The following MTIF3 variants were observed in gnomAD, a reference collection of about 807,000 sequenced individuals.
MTIF3 encodes the protein mitochondrial translational initiation factor 3, also known as translation initiation factor IF-3, mitochondrial.
MTIF3 carries 13 observed loss-of-function variants against 20.7 expected under a neutral mutation model. The observed-to-expected ratio is 0.63, with a 90% CI of 0.41 to 1.00. MTIF3 has a LOEUF of 1.00. Ranked by LOEUF, MTIF3 falls within the 50% of genes least tolerant of loss-of-function variation. The probability of loss-of-function intolerance (pLI) is 0.00; values close to 1 mark genes in which losing one functional copy is unlikely to be tolerated. For missense variants in MTIF3, 295 were observed against 324.5 expected, an observed-to-expected ratio of 0.91 and a Z score of 0.70; for synonymous variants, 114 against 112.5, an observed-to-expected ratio of 1.01 and a Z score of -0.08.
chr13:27,438,133 G>A (rs370276935), intron 3 of MTIF3, among the ~76,000 whole-genome samples: 6 of 152,250 alleles, frequency 3.9e-5, no homozygotes, highest in African/African-American at 1.4e-4. Flanking sequence ...TGCATACACT[G>A]CTGCTGAGCA....
intron 1 of MTIF3, among the ~76,000 whole-genome samples, chr13:27,445,901 A>G (rs538398709): frequency 1.3e-5 from 2 of 152,222 alleles, no homozygotes; most frequent in East Asian, 1.9e-4. Context: ...AAAAAAGCCA[A>G]TGCCATTGGG....
intron 1 of MTIF3, among the ~76,000 whole-genome samples, chr13:27,445,374 G>A (rs1296689116): frequency 6.6e-6 from 1 of 152,038 alleles, no homozygotes; most frequent in African/African-American, 2.4e-5. Context: ...TACTGGGGAG[G>A]CTGAGGAAGG....
chr13:27,438,481 C>CTTTTTT (rs1566082029), intron 3 of MTIF3, among the ~76,000 whole-genome samples: 2 of 52,062 alleles, frequency 3.8e-5, no homozygotes, highest in Non-Finnish European at 8.4e-5. Flanking sequence ...CAGAGCAAGA[C>CTTTTTT]TGTTTTTTTT....
intron 4 of MTIF3, among the ~76,000 whole-genome samples, chr13:27,436,634 G>T (rs1953766142): frequency 6.6e-6 from 1 of 152,004 alleles, no homozygotes; most frequent in African/African-American, 2.4e-5. Flanking sequence ...CGCTGTAATG[G>T]AAACTATATC....
chr13:27,446,038 G>A (rs1372262363), intron 1 of MTIF3, among the ~76,000 whole-genome samples: 2 of 151,716 alleles, frequency 1.3e-5, no homozygotes, highest in African/African-American at 4.8e-5. Flanking sequence ...GATACTATTA[G>A]AGACGTATTG....
At chr13:27,445,962 A>T (rs1954169999) in intron 1 of MTIF3, among the ~76,000 whole-genome samples, 1 of 152,152 alleles carries the variant, frequency 6.6e-6, no homozygotes, top group African/African-American at 2.4e-5. Flanking sequence ...AAAATCAAGG[A>T]GACATAATTT....
At chr13:27,438,486 T>TTTTTG (rs1953873175) in intron 3 of MTIF3, among the ~76,000 whole-genome samples, 2 of 42,078 alleles carry the variant, frequency 4.8e-5, no homozygotes, top group Non-Finnish European at 1.4e-4. Flanking sequence ...CAAGACTGTT[T>TTTTTG]TTTTTTTTTT....
intron 3 of MTIF3, among the ~76,000 whole-genome samples, chr13:27,439,392 A>C (rs1593190260): frequency 6.6e-6 from 1 of 152,334 alleles, no homozygotes; most frequent in East Asian, 1.9e-4. Context: ...GCCACTGGGG[A>C]GGCTAAGGCA....
chr13:27,437,331 C>T, intron 3 of MTIF3, 58 bp from the exon 4 acceptor site: 5 of 1,477,812 alleles, frequency 3.4e-6, no homozygotes, highest in Non-Finnish European at 4.6e-6. Flanking sequence ...GAACCCTGAA[C>T]TTCCCAACAT....
rs1593196679 is a variant in MTIF3, at chr13:27,443,540, A to G, written c.-2+1548T>C. Reference sequence around the variant, plus strand: ...GCGACAATGATGTAGAAGTTATCACATGTAAAATCATGTTACTAAATAGAT... The same window carrying G: ...GCGACAATGATGTAGAAGTTATCACGTGTAAAATCATGTTACTAAATAGAT... On this transcript the variant is annotated intron_variant, in intron 2 of 4. Transcript: ENST00000381120. Among the ~76,000 whole-genome samples the G allele has an allele frequency of 2.6e-5, 4 of 152,342 alleles. No homozygotes were observed. The East Asian group carries it at 7.7e-4, about 29-fold the overall frequency.
chr13:27,443,519 CAAT>C (rs1321419999), intron 2 of MTIF3, among the ~76,000 whole-genome samples: 1 of 152,036 alleles, frequency 6.6e-6, no homozygotes, highest in African/African-American at 2.4e-5. Context: ...GTATTAGCGA[CAAT>C]GATGTAGAAG....
intron 2 of MTIF3, among the ~76,000 whole-genome samples, chr13:27,440,724 C>CTT (rs55860722): frequency 1.4e-3 from 206 of 147,598 alleles, no homozygotes; most frequent in Non-Finnish European, 2.0e-3. Flanking sequence ...TTTGGTTTCA[C>CTT]TTTTTTTTTT....
intron 2 of MTIF3, among the ~76,000 whole-genome samples, chr13:27,444,365 A>G (rs1954106107): frequency 2.0e-5 from 3 of 152,182 alleles, no homozygotes; most frequent in African/African-American, 7.2e-5. Context: ...GTTCTTTGCC[A>G]CTAGTTTAAA....
At position 27,446,027 on chromosome 13, in the gene MTIF3, A is replaced by AGAT. The variant is rs536819718; in HGVS notation, c.-70-874_-70-872dup. Among the ~76,000 whole-genome samples, 765 of 152,100 alleles carry AGAT rather than the reference A, an allele frequency of 5.0e-3. 4 individuals carry two copies. Among genetic ancestry groups the AGAT allele is most frequent in the Non-Finnish European group, 8.4e-3 (571 of 67,972 alleles). On this transcript the variant is annotated intron_variant, in intron 1 of 4. Transcript: ENST00000381120. Reference sequence around the variant, plus strand: ...AAAATCTGAATAGGGACTAGGTATTAGATACTATTAGAGACGTATTGTTAA... The same window carrying AGAT: ...AAAATCTGAATAGGGACTAGGTATTAGATGATACTATTAGAGACGTATTGTTAA...
intron 1 of MTIF3, among the ~76,000 whole-genome samples, chr13:27,446,353 C>T (rs549122741): frequency 2.6e-5 from 4 of 152,296 alleles, no homozygotes; most frequent in Non-Finnish European, 4.4e-5. Flanking sequence ...CCACGGCACC[C>T]GCCTGTTAAT....
At chr13:27,438,706 G>A (rs1431889369) in intron 3 of MTIF3, among the ~76,000 whole-genome samples, 1 of 151,908 alleles carries the variant, frequency 6.6e-6, no homozygotes, top group African/African-American at 2.4e-5. Context: ...ATATTGCCCA[G>A]GCTGGTATTG....
intron 3 of MTIF3, among the ~76,000 whole-genome samples, chr13:27,438,279 G>A (rs1396921047): frequency 7.3e-6 from 1 of 136,686 alleles, no homozygotes; most frequent in African/African-American, 2.7e-5. Context: ...TTGGAGCTCA[G>A]GAGTTCAAGA....
intron 2 of MTIF3, among the ~76,000 whole-genome samples, chr13:27,444,279 TG>T (rs1211460097): frequency 6.6e-6 from 1 of 151,512 alleles, no homozygotes; most frequent in Non-Finnish European, 1.5e-5. Flanking sequence ...CACTCCAGCC[TG>T]GGCGACAGAG....
intron 1 of MTIF3, among the ~76,000 whole-genome samples, chr13:27,447,047 C>G (rs1267239924): frequency 6.6e-6 from 1 of 152,092 alleles, no homozygotes; most frequent in African/African-American, 2.4e-5. Flanking sequence ...AGAACTTGTA[C>G]AATTTTTTGC....
Sources: gnomAD v4.1 joint callset for allele counts (sites outside exome capture counted in the v4.1 genomes callset) on GRCh38, gnomAD v4.1.1 for gene constraint, MANE v1.5 for transcripts, NCBI Gene and HGNC (gene_info 2026-07-23, HGNC 2026-07-21) for gene names.